Variants in TARS3 observed in about 807,000 individuals in gnomAD.
TARS3 encodes threonine--tRNA ligase 2, cytoplasmic.
Under a neutral mutation model 103.5 loss-of-function variants are expected in TARS3, and 94 were observed. That is an observed-to-expected ratio of 0.91 (90% CI 0.77 to 1.08). The LOEUF (loss-of-function observed/expected upper bound fraction) is 1.08, where lower values mean the gene tolerates loss of function less well. Ranked by LOEUF, TARS3 falls within the 50% of genes least tolerant of loss-of-function variation. TARS3 has a pLI of 0.00. For missense variants in TARS3, 952 were observed against 995.2 expected, an observed-to-expected ratio of 0.96 and a Z score of 0.58; for synonymous variants, 416 against 355.4, an observed-to-expected ratio of 1.17 and a Z score of -1.92.
At chr15:101,655,923 A>C in intron 18 of TARS3, 4 of 1,289,280 alleles carry the variant, frequency 3.1e-6, no homozygotes, top group Middle Eastern at 2.1e-4. Flanking sequence ...ACTTTCTGGA[A>C]TGTGGGTAAA....
chr15:101,667,997 A>AG (rs2141387491), intron 15 of TARS3, among the ~76,000 whole-genome samples: 1 of 152,332 alleles, frequency 6.6e-6, no homozygotes, highest in South Asian at 2.1e-4. Context: ...TTGAAAAGTT[A>AG]GGGCTTTGCT....
chr15:101,673,336 C>T (rs1034713242), intron 13 of TARS3, among the ~76,000 whole-genome samples: 2 of 152,196 alleles, frequency 1.3e-5, no homozygotes, highest in African/African-American at 4.8e-5. Flanking sequence ...CCACACCCCA[C>T]CAAGTTTCAA....
At chr15:101,671,386 T>C (rs1427550122) in intron 15 of TARS3, 100 bp downstream of exon 15, 6 of 855,380 alleles carry the variant, frequency 7.0e-6, no homozygotes, top group African/African-American at 1.7e-5. Context: ...ATAGCACATA[T>C]ACTAGACATT....
At position 101,686,036 on chromosome 15, in the gene TARS3, C is replaced by T. The variant is rs764402891; in HGVS notation, c.1347G>A (p.Thr449=). The T allele has an allele frequency of 3.7e-5, 60 of 1,610,660 alleles. No homozygotes were observed. In the South Asian group the frequency reaches 5.4e-4, roughly 15 times the overall value. Residue 449 remains threonine, a synonymous_variant, in exon 11 of 19, where the codon ACG becomes ACA. Transcript: ENST00000335968. ...TGTACATATTGGGAGAGAGCACCTCCGTGAAGTCCCGTTTGTGATATTCCT... is the reference window on the plus strand; with the variant it reads ...TGTACATATTGGGAGAGAGCACCTCTGTGAAGTCCCGTTTGTGATATTCCT... The part of the protein sequence containing the change: ...IREEYHKRDF[T]EVLSPNMYNS...
At chr15:101,688,580 T>A (rs919681170) in intron 10 of TARS3, among the ~76,000 whole-genome samples, 2 of 152,224 alleles carry the variant, frequency 1.3e-5, no homozygotes, top group African/African-American at 2.4e-5. Context: ...TGTTTTCAAG[T>A]AATTTCTCAT....
intron 1 of TARS3, 142 bp downstream of exon 1, chr15:101,723,948 CA>C: frequency 1.3e-6 from 1 of 743,326 alleles, no homozygotes; most frequent in South Asian, 3.4e-5. Flanking sequence ...CCGAGCAGGG[CA>C]GGGCGGGCCA....
intron 10 of TARS3, among the ~76,000 whole-genome samples, chr15:101,697,105 A>G (rs995806440): frequency 6.6e-6 from 1 of 152,178 alleles, no homozygotes; most frequent in Non-Finnish European, 1.5e-5. Flanking sequence ...TCATCAGCAT[A>G]AATTCCTGTC....
chr15:101,675,982 G>C lies in TARS3; in HGVS notation c.1651-245C>G, dbSNP rs145066139. Among the ~76,000 whole-genome samples, 150 of 152,358 alleles carry C rather than the reference G, an allele frequency of 9.8e-4. 1 individual carries two copies. Among genetic ancestry groups the C allele is most frequent in the African/African-American group, 3.4e-3 (141 of 41,584 alleles). On this transcript the variant is annotated intron_variant, in intron 12 of 18. Coordinates refer to ENST00000335968, the MANE Select transcript of TARS3 (RefSeq NM_152334.3). ...AAAAGGCAGCGCCGCGCACAGGAGAGCGGCACGGAGGGGCTGCCCAGAGGA... is the reference window on the plus strand; with the variant it reads ...AAAAGGCAGCGCCGCGCACAGGAGACCGGCACGGAGGGGCTGCCCAGAGGA...
intron 6 of TARS3, 72 bp downstream of exon 6, chr15:101,708,721 G>C: frequency 1.0e-6 from 1 of 991,796 alleles, no homozygotes; most frequent in Non-Finnish European, 1.6e-6. Flanking sequence ...TTATTTGGGG[G>C]AAGGTGGGGA....
rs1251642363 is a variant in TARS3 at position 101,684,128 on chromosome 15, T to C, written c.1597A>G (p.Arg533Gly). ...ELSGTLSGLTRVRRFQQDDAH... is the reference protein window; with the variant it reads ...ELSGTLSGLTGVRRFQQDDAH... ...TCGTCCTGCTGGAAGCGCCTCACTCTGGTCAAGCCGCTGAGAGTCCCCGAC... is the reference window on the plus strand; with the variant it reads ...TCGTCCTGCTGGAAGCGCCTCACTCCGGTCAAGCCGCTGAGAGTCCCCGAC... The change falls in exon 12 of 19, where the codon AGA becomes GGA. Residue 533 changes from arginine to glycine, a missense_variant. Physicochemically the swap from Arg to Gly is moderately radical, Grantham distance 125. Coordinates refer to ENST00000335968, the MANE Select transcript of TARS3 (RefSeq NM_152334.3). The C allele has an allele frequency of 1.1e-5, 18 of 1,613,856 alleles. No individual in the cohort carries two copies. Among genetic ancestry groups the C allele is most frequent in the East Asian group, 2.2e-5 (1 of 44,886 alleles).
At chr15:101,672,354 C>G (rs1474910508) in intron 13 of TARS3, among the ~76,000 whole-genome samples, 3 of 152,162 alleles carry the variant, frequency 2.0e-5, no homozygotes, top group Admixed American at 2.0e-4. Flanking sequence ...GGTGAGGATG[C>G]AAGTGTATTA....
chr15:101,712,632 C>T (rs761663752), intron 4 of TARS3, among the ~76,000 whole-genome samples: 4 of 152,106 alleles, frequency 2.6e-5, no homozygotes, highest in Non-Finnish European at 5.9e-5. Context: ...GTCCAGAGCC[C>T]GGTTGTCAGT....
intron 12 of TARS3, 151 bp downstream of exon 12, chr15:101,683,923 TA>T: frequency 3.5e-6 from 2 of 575,552 alleles, no homozygotes; most frequent in Non-Finnish European, 5.4e-6. Context: ...TCTATTGACC[TA>T]ATTTAGAGAA....
rs1897125849 is a variant in TARS3, at chr15:101,654,499, C to T, written c.*83G>A. ...GTGGACCCATCAGTGGCTCCAAAGTCGTAGAAGTACTAACATGTTAAGAAA... is the reference window on the plus strand; with the variant it reads ...GTGGACCCATCAGTGGCTCCAAAGTTGTAGAAGTACTAACATGTTAAGAAA... On this transcript the variant is annotated 3_prime_UTR_variant, in exon 19 of 19. Transcript: ENST00000335968. 6.8e-7 allele frequency: 1 copy of T among 1,474,084 alleles called. No individual in the cohort carries two copies. Among genetic ancestry groups the T allele is most frequent in the Non-Finnish European group, 9.2e-7 (1 of 1,088,620 alleles). 91.3% of individuals were successfully genotyped at this position (1,474,084 alleles called of 1,614,324 possible).
intron 12 of TARS3, among the ~76,000 whole-genome samples, chr15:101,676,027 A>G (rs1307418596): frequency 6.6e-6 from 1 of 152,196 alleles, no homozygotes. Context: ...GAGCTGCAGC[A>G]GGGGACAAGC....
intron 5 of TARS3, among the ~76,000 whole-genome samples, chr15:101,709,739 C>A (rs1474225754): frequency 6.6e-6 from 1 of 152,240 alleles, no homozygotes; most frequent in Non-Finnish European, 1.5e-5. Context: ...GAATCACCAG[C>A]ACCCAGCACA....
At chr15:101,676,486 C>T (rs552095478) in intron 12 of TARS3, among the ~76,000 whole-genome samples, 2 of 152,122 alleles carry the variant, frequency 1.3e-5, no homozygotes, top group African/African-American at 4.8e-5. Flanking sequence ...TCATTAACTG[C>T]AATGGCTAGT....
chr15:101,714,368 C>G (rs1487087406), intron 4 of TARS3, among the ~76,000 whole-genome samples: 1 of 151,976 alleles, frequency 6.6e-6, no homozygotes, highest in East Asian at 1.9e-4. Context: ...CTATGGGAGG[C>G]TGAGGGAGGC....
At chr15:101,676,475 T>C (rs1898030412) in intron 12 of TARS3, among the ~76,000 whole-genome samples, 1 of 152,126 alleles carries the variant, frequency 6.6e-6, no homozygotes, top group Admixed American at 6.6e-5. Flanking sequence ...AAGTCTTTCA[T>C]TCATTAACTG....
Sources: gnomAD v4.1 joint callset for allele counts (sites outside exome capture counted in the v4.1 genomes callset) on GRCh38, gnomAD v4.1.1 for gene constraint, MANE v1.5 for transcripts, NCBI Gene and HGNC (gene_info 2026-07-23, HGNC 2026-07-21) for gene names.